PRKAG2: variants seen among roughly 807,000 people sequenced by gnomAD.
PRKAG2 encodes 5'-AMP-activated protein kinase subunit gamma-2.
A neutral mutation model predicts 69.6 loss-of-function variants in PRKAG2; 26 were observed. That is an observed-to-expected ratio of 0.37 (90% CI 0.27 to 0.52). The LOEUF (loss-of-function observed/expected upper bound fraction) is 0.52, where lower values mean the gene tolerates loss of function less well. Among genes scored for constraint, PRKAG2 ranks in the 20% least tolerant of loss-of-function variants. The probability of loss-of-function intolerance (pLI) is 0.90; values close to 1 mark genes in which losing one functional copy is unlikely to be tolerated. For missense variants in PRKAG2, 557 were observed against 740.0 expected (o/e 0.75, Z 2.87); for synonymous variants, 293 against 285.0 (o/e 1.03, Z -0.28).
rs1270114637 is a variant in PRKAG2, at chr7:151,556,315, G to A, written c.*886C>T. On this transcript the variant is annotated 3_prime_UTR_variant, in exon 16 of 16. Coordinates refer to ENST00000287878, the MANE Select transcript of PRKAG2 (RefSeq NM_016203.4). ...CACAATAAAATTTACAAAAACAATC[G>A]CATCAGCAGTCATAACAAACATCAT... 3.3e-5 allele frequency: 5 copies of A among 152,440 alleles called. No homozygotes were observed. The highest frequency in any genetic ancestry group is 7.2e-5 in the African/African-American group (3 of 41,386). 9.4% of individuals were successfully genotyped at this position (152,440 alleles called of 1,614,324 possible). A position where few individuals can be genotyped will look rare whatever the true frequency, so the allele number is the denominator to read the frequency against.
intron 3 of PRKAG2, among the ~76,000 whole-genome samples, chr7:151,718,665 T>G (rs1403745226): frequency 6.6e-6 from 1 of 151,916 alleles, no homozygotes; most frequent in Admixed American, 6.5e-5. Context: ...CCCAGGTTTT[T>G]TTTGCATCCT....
intron 4 of PRKAG2, among the ~76,000 whole-genome samples, chr7:151,659,884 A>T (rs1161293555): frequency 6.6e-6 from 1 of 152,230 alleles, no homozygotes; most frequent in East Asian, 1.9e-4. Flanking sequence ...TGAACACATC[A>T]CTCACGGCTC....
intron 13 of PRKAG2, 149 bp downstream of exon 13, chr7:151,565,197 A>C: frequency 1.7e-6 from 1 of 584,224 alleles, no homozygotes. Flanking sequence ...CAATTACTAT[A>C]GAAGGTCTAT....
chr7:151,724,552 A>C (rs1038942111), intron 3 of PRKAG2, among the ~76,000 whole-genome samples: 7 of 152,194 alleles, frequency 4.6e-5, no homozygotes, highest in Middle Eastern at 6.8e-3. Flanking sequence ...TGGAGGGTAG[A>C]GCTGGTGCTG....
intron 1 of PRKAG2, among the ~76,000 whole-genome samples, chr7:151,856,728 C>G (rs78267775): frequency 2.0e-5 from 3 of 152,122 alleles, no homozygotes; most frequent in Admixed American, 6.5e-5. Context: ...GCCACACACA[C>G]GGTCACGGCG....
At chr7:151,578,400 T>C (rs1436475055) in intron 6 of PRKAG2, among the ~76,000 whole-genome samples, 1 of 152,194 alleles carries the variant, frequency 6.6e-6, no homozygotes, top group Non-Finnish European at 1.5e-5. Flanking sequence ...GTTAACTTAC[T>C]AATGAAAACA....
At chr7:151,646,781 A>G (rs1003160658) in intron 4 of PRKAG2, among the ~76,000 whole-genome samples, 2 of 152,226 alleles carry the variant, frequency 1.3e-5, no homozygotes, top group African/African-American at 4.8e-5. Flanking sequence ...ATGTAATATT[A>G]CAGATTACCT....
At position 151,807,604 on chromosome 7, in the gene PRKAG2, G is replaced by A. The variant is rs148204660; in HGVS notation, c.115-21063C>T. 9.0e-3 allele frequency: 4,119 copies of A among 457,770 alleles called. 35 individuals carry two copies. The highest frequency in any genetic ancestry group is 0.014 in the Non-Finnish European group (3,075 of 226,950). 28.4% of individuals were successfully genotyped at this position (457,770 alleles called of 1,614,324 possible). ...GCCACGGAGGTAGGAAGAATGATTC[G>A]TTTGCCACCAAAAGCCCAGTTTCTC... On this transcript the variant is annotated intron_variant, in intron 1 of 15. Coordinates refer to ENST00000287878, the MANE Select transcript of PRKAG2 (RefSeq NM_016203.4). This position sits in a 1 kb window ranked among gnomAD's most constrained non-coding sequence, Gnocchi z 4.4.
In PRKAG2 at chr7:151,782,355, G is replaced by A. The variant is rs78229045; in HGVS notation, c.187-924C>T. Among the ~76,000 whole-genome samples, 31 of 28,970 alleles carry A rather than the reference G, an allele frequency of 1.1e-3. 1 individual carries two copies. The highest frequency in any genetic ancestry group is 1.6e-3 in the African/African-American group (17 of 10,778). 19.0% of individuals were successfully genotyped at this position (28,970 alleles called of 152,430 possible). On this transcript the variant is annotated intron_variant, in intron 2 of 15. Transcript: ENST00000287878. ...AAGGAAGGAAGGAGGGAGGGAGGGAGGGAGGGAGGGAGGGAGGGAAGGAAA... is the reference window on the plus strand; with the variant it reads ...AAGGAAGGAAGGAGGGAGGGAGGGAAGGAGGGAGGGAGGGAGGGAAGGAAA...
rs533698188 is a variant in PRKAG2, at chr7:151,587,191, GT to G, written c.864+8153del. Among the ~76,000 whole-genome samples the G allele has an allele frequency of 3.5e-4, 54 of 152,224 alleles. No individual in the cohort carries two copies. In the South Asian group the frequency reaches 0.011, roughly 30 times the overall value. The stretch of plus-strand genomic sequence containing the variant: ...CAGCCACTTATTTGGATACTTGCTT[GT>G]TTTTTTGTTGGCATTATTCAAAATC... On this transcript the variant is annotated intron_variant, in intron 6 of 15. Coordinates refer to ENST00000287878, the MANE Select transcript of PRKAG2 (RefSeq NM_016203.4).
At chr7:151,767,589 C>A (rs2075803842) in intron 3 of PRKAG2, among the ~76,000 whole-genome samples, 1 of 152,234 alleles carries the variant, frequency 6.6e-6, no homozygotes, top group Non-Finnish European at 1.5e-5. Flanking sequence ...CCATGCCCAG[C>A]CAACTTCTGT....
chr7:151,564,256 T>C, intron 13 of PRKAG2, 32 bp from the exon 14 acceptor site: 1 of 1,612,934 alleles, frequency 6.2e-7, no homozygotes, highest in South Asian at 1.1e-5. Flanking sequence ...AATTATATCC[T>C]TTCATTTCAG....
chr7:151,827,768 A>AAAAAC (rs2078940583), intron 1 of PRKAG2, among the ~76,000 whole-genome samples: 4 of 150,276 alleles, frequency 2.7e-5, no homozygotes, highest in Non-Finnish European at 5.9e-5. Context: ...AAAAAAAAAA[A>AAAAAC]AAAAAACTGC....
At position 151,632,069 on chromosome 7, in the gene PRKAG2, CT is replaced by C; in HGVS notation, c.753del (p.Ala252GlnfsTer2). 3 of 1,401,854 alleles carry C rather than the reference CT, an allele frequency of 2.1e-6. No individual in the cohort carries two copies. Among genetic ancestry groups the C allele is most frequent in the South Asian group, 1.4e-5 (1 of 70,146 alleles). The allele number at this position is 1,401,854 out of a possible 1,614,324, so 86.8% of individuals were successfully genotyped here. A position where few individuals can be genotyped will look rare whatever the true frequency, so the allele number is the denominator to read the frequency against. ...CCGGCAGCGGGCGGGGCGCACTCAC[CT>C]TCGTCCTCGAACTCCAGCTTCTCCA... ...GMLEKLEFED[E>X]AVEDSESGVY... On this transcript the variant is annotated frameshift_variant and splice_region_variant, in exon 5 of 16. Coordinates refer to ENST00000287878, the MANE Select transcript of PRKAG2 (RefSeq NM_016203.4). LOFTEE classifies it high-confidence loss of function. The surrounding 1 kb of genome is among the most constrained non-coding windows in gnomAD (Gnocchi z 4.2).
chr7:151,762,589 G>A (rs569484537), intron 3 of PRKAG2, among the ~76,000 whole-genome samples: 1 of 152,296 alleles, frequency 6.6e-6, no homozygotes, highest in Admixed American at 6.5e-5. Flanking sequence ...GGCAAACTAT[G>A]CCAAGCATCC....
intron 9 of PRKAG2, 78 bp downstream of exon 9, chr7:151,572,586 G>T: frequency 9.3e-7 from 1 of 1,077,866 alleles, no homozygotes; most frequent in Non-Finnish European, 1.4e-6. Flanking sequence ...AAAAGGATCT[G>T]CAAAATGAAA....
intron 6 of PRKAG2, among the ~76,000 whole-genome samples, chr7:151,579,201 T>A (rs1435084652): frequency 6.6e-6 from 1 of 152,122 alleles, no homozygotes; most frequent in African/African-American, 2.4e-5. Flanking sequence ...ATTTTTTTTC[T>A]TGTAGAGGCA....
intron 11 of PRKAG2, among the ~76,000 whole-genome samples, chr7:151,566,203 G>C (rs1268250390): frequency 6.6e-6 from 1 of 152,170 alleles, no homozygotes; most frequent in African/African-American, 2.4e-5. Context: ...GGGATATTAA[G>C]ACCTGTAAGC....
chr7:151,812,003 C>A (rs1457372898), intron 1 of PRKAG2, among the ~76,000 whole-genome samples: 1 of 152,176 alleles, frequency 6.6e-6, no homozygotes, highest in African/African-American at 2.4e-5. Flanking sequence ...CCAGGATCAT[C>A]ATGAAAATTA....
Sources: allele counts gnomAD v4.1 joint callset (sites outside exome capture counted in the v4.1 genomes callset), GRCh38; gene constraint gnomAD v4.1.1; non-coding constraint Gnocchi (gnomAD v3.1); transcripts MANE v1.5; gene names NCBI Gene and HGNC (gene_info 2026-07-23, HGNC 2026-07-21).